KCNIP4: variants seen among roughly 807,000 people sequenced by gnomAD.
KCNIP4 encodes the protein Kv channel-interacting protein 4.
A neutral mutation model predicts 34.0 loss-of-function variants in KCNIP4; 12 were observed. The ratio of observed to expected loss-of-function variants is 0.35; its 90% CI spans 0.23 to 0.57. The LOEUF (loss-of-function observed/expected upper bound fraction) is 0.57. Among genes scored for constraint, KCNIP4 ranks in the 20% least tolerant of loss-of-function variants. The pLI is 0.83. For missense variants in KCNIP4, 238 were observed against 311.7 expected, an observed-to-expected ratio of 0.76 and a Z score of 1.78; for synonymous variants, 124 against 102.2, an observed-to-expected ratio of 1.21 and a Z score of -1.29.
At chr4:21,218,041 G>A (rs1013050095) in intron 1 of KCNIP4, among the ~76,000 whole-genome samples, 14 of 149,900 alleles carry the variant, frequency 9.3e-5, no homozygotes, top group Non-Finnish European at 1.9e-4. Flanking sequence ...TTTAGACGGA[G>A]TTTCCCTGTT....
In KCNIP4 at chr4:21,742,543, G is replaced by A. The variant is rs1716485250; in HGVS notation, c.61+206028C>T. Reference sequence around the variant, plus strand: ...TTATGAGTTTTCTAAGTATGAATCAGCATTTCAAGTTCCAATTACTTGTGA... The same window carrying A: ...TTATGAGTTTTCTAAGTATGAATCAACATTTCAAGTTCCAATTACTTGTGA... On this transcript the variant is annotated intron_variant, in intron 1 of 8. Coordinates refer to ENST00000382152, the MANE Select transcript of KCNIP4 (RefSeq NM_025221.6). Among the ~76,000 whole-genome samples, 2 of 152,178 alleles carry A rather than the reference G, an allele frequency of 1.3e-5. 1 individual carries two copies. The highest frequency in any genetic ancestry group is 4.1e-4 in the South Asian group (2 of 4,832).
intron 1 of KCNIP4, among the ~76,000 whole-genome samples, chr4:21,239,759 C>T (rs990507019): frequency 4.3e-4 from 65 of 152,228 alleles, no homozygotes; most frequent in African/African-American, 1.5e-3. Context: ...AATAGGAACA[C>T]TTTTACACTG....
At chr4:21,732,506 T>C (rs1715682940) in intron 1 of KCNIP4, among the ~76,000 whole-genome samples, 1 of 152,114 alleles carries the variant, frequency 6.6e-6, no homozygotes, top group South Asian at 2.1e-4. Context: ...ACTAAAATAG[T>C]TAATCTTGCC....
chr4:21,430,528 C>T (rs566363086), intron 1 of KCNIP4, among the ~76,000 whole-genome samples: 7 of 151,984 alleles, frequency 4.6e-5, no homozygotes, highest in Non-Finnish European at 7.4e-5. Context: ...CAACCTGCCC[C>T]GGCTCAGTTC....
intron 1 of KCNIP4, among the ~76,000 whole-genome samples, chr4:20,908,098 C>CT (rs11364819): frequency 0.021 from 2,322 of 109,126 alleles, 69 homozygotes; most frequent in African/African-American, 0.062. Flanking sequence ...TGTCATCATT[C>CT]TTTTTTTTTT....
chr4:21,685,365 C>T (rs998957491), intron 1 of KCNIP4, among the ~76,000 whole-genome samples: 5 of 152,048 alleles, frequency 3.3e-5, no homozygotes, highest in Non-Finnish European at 7.4e-5. Flanking sequence ...TTTATTTTTC[C>T]AATGAGGAAA....
intron 1 of KCNIP4, chr4:21,844,495 T>G (rs1224733732): frequency 6.6e-6 from 1 of 152,060 alleles, no homozygotes. Context: ...TTAGCACTCT[T>G]TTCTTTGCCT....
intron 3 of KCNIP4, among the ~76,000 whole-genome samples, chr4:20,849,687 T>A (rs901181618): frequency 1.3e-5 from 2 of 152,194 alleles, no homozygotes; most frequent in African/African-American, 4.8e-5. Flanking sequence ...TGCCTGTAGC[T>A]ACTTTGGTTT....
chr4:20,963,547 G>A (rs1361352574), intron 1 of KCNIP4, among the ~76,000 whole-genome samples: 3 of 152,038 alleles, frequency 2.0e-5, no homozygotes, highest in Middle Eastern at 3.4e-3. Context: ...AAGGTGCTAT[G>A]TGTACTATGG....
At chr4:20,953,414 G>T (rs1732984272) in intron 1 of KCNIP4, among the ~76,000 whole-genome samples, 1 of 152,226 alleles carries the variant, frequency 6.6e-6, no homozygotes, top group African/African-American at 2.4e-5. Context: ...GCTCACACAT[G>T]TAATCCCAGC....
At chr4:21,499,681 T>C (rs1577470345) in intron 1 of KCNIP4, among the ~76,000 whole-genome samples, 3 of 152,260 alleles carry the variant, frequency 2.0e-5, no homozygotes, top group South Asian at 2.1e-4. Flanking sequence ...TTTTAGTATA[T>C]AGAAGGATTC....
At chr4:21,876,253 GATATT>G (rs1215380240) in intron 1 of KCNIP4, among the ~76,000 whole-genome samples, 1 of 152,098 alleles carries the variant, frequency 6.6e-6, no homozygotes, top group Non-Finnish European at 1.5e-5. Flanking sequence ...ACTGCAATGT[GATATT>G]ATGATTATGA....
intron 1 of KCNIP4, among the ~76,000 whole-genome samples, chr4:21,391,812 C>T (rs575463335): frequency 8.2e-4 from 125 of 152,276 alleles, no homozygotes; most frequent in Non-Finnish European, 1.3e-3. Flanking sequence ...CTCTTCAGCA[C>T]ACATACTGTT....
chr4:21,022,835 T>C (rs1309361814), intron 1 of KCNIP4, among the ~76,000 whole-genome samples: 1 of 152,198 alleles, frequency 6.6e-6, no homozygotes, highest in Non-Finnish European at 1.5e-5. Flanking sequence ...TATTTGTTTT[T>C]GTTCTTTGGA....
chr4:21,179,401 A>G (rs970371098), intron 1 of KCNIP4, among the ~76,000 whole-genome samples: 4 of 152,252 alleles, frequency 2.6e-5, no homozygotes, highest in Non-Finnish European at 4.4e-5. Context: ...AAAGATGTGT[A>G]CAAAGATTTT....
intron 1 of KCNIP4, among the ~76,000 whole-genome samples, chr4:21,432,920 A>G (rs760941557): frequency 4.6e-5 from 7 of 152,064 alleles, no homozygotes; most frequent in Non-Finnish European, 7.4e-5. Flanking sequence ...ATAGATGATT[A>G]TCAACTCCAG....
intron 1 of KCNIP4, among the ~76,000 whole-genome samples, chr4:21,393,422 T>C (rs1223803134): frequency 6.6e-6 from 1 of 152,110 alleles, no homozygotes; most frequent in Non-Finnish European, 1.5e-5. Context: ...GATAGAACAC[T>C]GGGCAGAGTC....
At chr4:21,172,815 G>T (rs535276717) in intron 1 of KCNIP4, among the ~76,000 whole-genome samples, 1 of 152,194 alleles carries the variant, frequency 6.6e-6, no homozygotes, top group African/African-American at 2.4e-5. Context: ...AGTCAATCAG[G>T]CTTCCCAGGT....
rs573486078 is a variant in KCNIP4 at position 21,715,168 on chromosome 4, C to A, written c.61+233403G>T. On this transcript the variant is annotated intron_variant, in intron 1 of 8. Transcript: ENST00000382152. ...CCATCTGGGCTCACTGCAAGCTCCG[C>A]CTCCCGGGTTCACTCCATTCTCCTG... Among the ~76,000 whole-genome samples, 9 of 150,740 alleles carry A rather than the reference C, an allele frequency of 6.0e-5. No individual in the cohort carries two copies. In the East Asian group the frequency reaches 1.8e-3, roughly 30 times the overall value.
Sources: allele counts gnomAD v4.1 joint callset (sites outside exome capture counted in the v4.1 genomes callset), GRCh38; gene constraint gnomAD v4.1.1; transcripts MANE v1.5; gene names NCBI Gene and HGNC (gene_info 2026-07-23, HGNC 2026-07-21).